XRCC4: variants seen among roughly 807,000 people sequenced by gnomAD.
The protein encoded by XRCC4 is DNA repair protein XRCC4.
A neutral mutation model predicts 39.1 loss-of-function variants in XRCC4; 28 were observed. The observed-to-expected ratio is 0.72, with a 90% CI of 0.53 to 0.98. The LOEUF (loss-of-function observed/expected upper bound fraction) is 0.98, where lower values mean the gene tolerates loss of function less well. Among genes scored for constraint, XRCC4 ranks in the 50% least tolerant of loss-of-function variants. The probability of loss-of-function intolerance (pLI) is 0.00; values close to 1 mark genes in which losing one functional copy is unlikely to be tolerated. For synonymous variants in XRCC4, 123 were observed against 126.4 expected (o/e 0.97, Z 0.18); for missense variants, 350 against 376.4 (o/e 0.93, Z 0.58).
intron 6 of XRCC4, among the ~76,000 whole-genome samples, chr5:83,222,201 C>A (rs1752112053): frequency 6.6e-6 from 1 of 151,794 alleles, no homozygotes; most frequent in African/African-American, 2.4e-5. Flanking sequence ...TAGGTTAGAT[C>A]TACTAAGATT....
intron 3 of XRCC4, among the ~76,000 whole-genome samples, chr5:83,158,163 A>G (rs914984594): frequency 2.0e-5 from 3 of 152,136 alleles, no homozygotes; most frequent in African/African-American, 7.2e-5. Flanking sequence ...TTGTGAGGTG[A>G]TGGCGTTTCT....
chr5:83,229,021 A>C (rs1377020546), intron 6 of XRCC4, among the ~76,000 whole-genome samples: 3 of 151,730 alleles, frequency 2.0e-5, no homozygotes, highest in Non-Finnish European at 4.4e-5. Flanking sequence ...AACAGGACCC[A>C]GTTCCATTTG....
chr5:83,083,688 C>T lies in XRCC4; in HGVS notation c.-11+6073C>T, dbSNP rs144689335. Among the ~76,000 whole-genome samples, 1,030 of 152,176 alleles carry T rather than the reference C, an allele frequency of 6.8e-3. 9 individuals carry two copies. Among genetic ancestry groups the T allele is most frequent in the African/African-American group, 0.022 (923 of 41,514 alleles). On this transcript the variant is annotated intron_variant, in intron 1 of 7. Transcript: ENST00000396027. ...TGCTGGGATTACAGGCATGAGCCACCGCATTTGACCATGAACCTGTAATTT... is the reference window on the plus strand; with the variant it reads ...TGCTGGGATTACAGGCATGAGCCACTGCATTTGACCATGAACCTGTAATTT...
At chr5:83,178,692 A>T (rs1461722555) in intron 3 of XRCC4, among the ~76,000 whole-genome samples, 2 of 152,170 alleles carry the variant, frequency 1.3e-5, no homozygotes, top group East Asian at 3.9e-4. Context: ...AATGCAAAAC[A>T]TTTGAATTTG....
At chr5:83,171,388 A>T (rs1256208654) in intron 3 of XRCC4, among the ~76,000 whole-genome samples, 3 of 152,120 alleles carry the variant, frequency 2.0e-5, no homozygotes, top group African/African-American at 4.8e-5. Flanking sequence ...TTATCAGAGG[A>T]CAAAATATAG....
intron 7 of XRCC4, among the ~76,000 whole-genome samples, chr5:83,277,009 G>A (rs533757050): frequency 6.6e-6 from 1 of 152,122 alleles, no homozygotes; most frequent in South Asian, 2.1e-4. Flanking sequence ...GTATTGGGGG[G>A]AAGTTCTAAG....
At chr5:83,316,049 G>A (rs1356683639) in intron 7 of XRCC4, among the ~76,000 whole-genome samples, 1 of 151,706 alleles carries the variant, frequency 6.6e-6, no homozygotes, top group Admixed American at 6.6e-5. Flanking sequence ...CATGGGAGGT[G>A]GTAAAATTAT....
chr5:83,153,559 G>T (rs911822164), intron 3 of XRCC4, among the ~76,000 whole-genome samples: 6 of 152,156 alleles, frequency 3.9e-5, no homozygotes, highest in African/African-American at 1.2e-4. Flanking sequence ...AAGCACATTG[G>T]AAATATATTC....
intron 3 of XRCC4, among the ~76,000 whole-genome samples, chr5:83,140,502 C>T (rs1748116911): frequency 6.6e-6 from 1 of 152,154 alleles, no homozygotes; most frequent in African/African-American, 2.4e-5. Flanking sequence ...AGTCCACTGA[C>T]TCAGATGTCA....
At chr5:83,105,660 A>T (rs1376817500) in intron 2 of XRCC4, among the ~76,000 whole-genome samples, 2 of 152,192 alleles carry the variant, frequency 1.3e-5, no homozygotes, top group African/African-American at 2.4e-5. Flanking sequence ...TGGTGGATAT[A>T]AAGTAAAAAT....
chr5:83,285,790 A>G (rs1031605168), intron 7 of XRCC4, among the ~76,000 whole-genome samples: 1 of 152,096 alleles, frequency 6.6e-6, no homozygotes, highest in African/African-American at 2.4e-5. Context: ...TGAGTCGTAT[A>G]TGTTCTGATC....
intron 7 of XRCC4, among the ~76,000 whole-genome samples, chr5:83,320,543 A>T (rs1047261361): frequency 6.6e-6 from 1 of 152,046 alleles, no homozygotes; most frequent in African/African-American, 2.4e-5. Flanking sequence ...AGTTCTACTG[A>T]GGAAAAAATG....
chr5:83,144,380 T>C (rs16876476), intron 3 of XRCC4, among the ~76,000 whole-genome samples: 3,795 of 152,056 alleles, frequency 0.025, 65 homozygotes, highest in East Asian at 0.071. Context: ...TTTGAAGTTT[T>C]GTCAGGGTGA....
chr5:83,252,498 C>A, intron 6 of XRCC4, among the ~76,000 whole-genome samples: 1 of 151,318 alleles, frequency 6.6e-6, no homozygotes. Context: ...AGAAGATAGC[C>A]TAAATGAATA....
At chr5:83,211,356 C>T (rs1036469040) in intron 6 of XRCC4, among the ~76,000 whole-genome samples, 4 of 152,170 alleles carry the variant, frequency 2.6e-5, no homozygotes, top group African/African-American at 4.8e-5. Context: ...GTGATACTCA[C>T]AACCAGCAGC....
At chr5:83,084,213 A>G (rs1745083358) in intron 1 of XRCC4, among the ~76,000 whole-genome samples, 1 of 152,244 alleles carries the variant, frequency 6.6e-6, no homozygotes, top group African/African-American at 2.4e-5. Flanking sequence ...TTCTTAGGAA[A>G]AAGATGGCTG....
chr5:83,097,132 A>G (rs898140148), intron 1 of XRCC4, among the ~76,000 whole-genome samples: 8 of 152,218 alleles, frequency 5.3e-5, no homozygotes, highest in African/African-American at 1.9e-4. Context: ...AGATGTGGTC[A>G]AAAATGACAG....
At chr5:83,208,622 T>A (rs762522164) in intron 6 of XRCC4, among the ~76,000 whole-genome samples, 3 of 152,030 alleles carry the variant, frequency 2.0e-5, no homozygotes, top group Non-Finnish European at 4.4e-5. Flanking sequence ...AATGATAATG[T>A]AGATCAGTCT....
intron 1 of XRCC4, among the ~76,000 whole-genome samples, chr5:83,083,411 C>T (rs1010810558): frequency 1.4e-5 from 2 of 140,614 alleles, no homozygotes; most frequent in African/African-American, 2.8e-5. Context: ...GAGTCTTGCT[C>T]CGTTTCCCAG....
Sources: gnomAD v4.1 joint callset for allele counts (sites outside exome capture counted in the v4.1 genomes callset) on GRCh38, gnomAD v4.1.1 for gene constraint, MANE v1.5 for transcripts, NCBI Gene and HGNC (gene_info 2026-07-23, HGNC 2026-07-21) for gene names.